Variants in PLXNA2 observed in about 807,000 individuals in gnomAD.
PLXNA2 encodes the protein plexin-A2.
PLXNA2 carries 91 observed loss-of-function variants against 193.5 expected under a neutral mutation model. That is an observed-to-expected ratio of 0.47 (90% CI 0.40 to 0.56). The LOEUF is 0.56. Ranked by LOEUF, PLXNA2 falls within the 20% of genes least tolerant of loss-of-function variation. The probability of loss-of-function intolerance (pLI) is 0.00; values close to 1 mark genes in which losing one functional copy is unlikely to be tolerated. For synonymous variants in PLXNA2, 997 were observed against 1,027.3 expected (o/e 0.97, Z 0.56); for missense variants, 1,995 against 2,503.2 (o/e 0.80, Z 4.33).
In PLXNA2 at chr1:208,236,372, A is replaced by G. The variant is rs954308816; in HGVS notation, c.-81+7271T>C. On this transcript the variant is annotated intron_variant, in intron 1 of 31. Coordinates refer to ENST00000367033, the MANE Select transcript of PLXNA2 (RefSeq NM_025179.4). This position sits in a 1 kb window ranked among gnomAD's most constrained non-coding sequence, Gnocchi z 4.4. Reference sequence around the variant, plus strand: ...CCGAGGCCTTTCACTTTTATGAAGCAGGAAACCACTTCAAAGCAGCAACAT... The same window carrying G: ...CCGAGGCCTTTCACTTTTATGAAGCGGGAAACCACTTCAAAGCAGCAACAT... Among the ~76,000 whole-genome samples, 3 of 152,202 alleles carry G rather than the reference A, an allele frequency of 2.0e-5. No homozygotes were observed. The East Asian group carries it at 5.8e-4, about 29-fold the overall frequency.
intron 9 of PLXNA2, among the ~76,000 whole-genome samples, chr1:208,089,573 G>A (rs557307868): frequency 1.3e-5 from 2 of 152,294 alleles, no homozygotes; most frequent in South Asian, 2.1e-4. Flanking sequence ...CCAAGAATTT[G>A]AATTTCTATA....
chr1:208,030,928 T>A (rs1043588558), intron 29 of PLXNA2: 1 of 985,994 alleles, frequency 1.0e-6, no homozygotes, highest in African/African-American at 1.7e-5. Flanking sequence ...TGAGGGCTTC[T>A]CCCACTGCTG....
At position 208,037,655 on chromosome 1, in the gene PLXNA2, G is replaced by T. The variant is rs550023116; in HGVS notation, c.4764+716C>A. On this transcript the variant is annotated intron_variant, in intron 26 of 31. Coordinates refer to ENST00000367033, the MANE Select transcript of PLXNA2 (RefSeq NM_025179.4). ...CTTAATCTTACAGAGACCCCCAGCT[G>T]CGAGTGGTTACCATGGGAGGGGAGA... 2.6e-5 allele frequency among the ~76,000 whole-genome samples: 4 copies of T among 152,198 alleles called. 1 individual carries two copies. The South Asian group carries it at 8.3e-4, about 32-fold the overall frequency.
chr1:208,059,494 G>T (rs923721706), intron 13 of PLXNA2, among the ~76,000 whole-genome samples: 4 of 152,180 alleles, frequency 2.6e-5, no homozygotes, highest in Admixed American at 2.6e-4. Context: ...TGGGCCCTGC[G>T]AGAATCACGG....
chr1:208,075,242 G>C (rs1299284195), intron 12 of PLXNA2, among the ~76,000 whole-genome samples: 2 of 151,996 alleles, frequency 1.3e-5, no homozygotes, highest in African/African-American at 4.8e-5. Flanking sequence ...ACCCGGAGGC[G>C]GGGGTTGTAG....
At chr1:208,173,911 C>G (rs1267351041) in intron 3 of PLXNA2, among the ~76,000 whole-genome samples, 1 of 152,232 alleles carries the variant, frequency 6.6e-6, no homozygotes, top group African/African-American at 2.4e-5. Flanking sequence ...TCCTCTGCCC[C>G]TCCTGGGAAT....
At chr1:208,072,987 G>A (rs533886028) in intron 12 of PLXNA2, among the ~76,000 whole-genome samples, 26 of 152,318 alleles carry the variant, frequency 1.7e-4, no homozygotes, top group Middle Eastern at 6.8e-3. Flanking sequence ...ACCATGGTGT[G>A]GTGGAGGAAG....
At chr1:208,182,851 G>C (rs1471650861) in intron 3 of PLXNA2, among the ~76,000 whole-genome samples, 1 of 152,104 alleles carries the variant, frequency 6.6e-6, no homozygotes, top group Non-Finnish European at 1.5e-5. Context: ...GAGTGACCCG[G>C]TGAATTAATG....
intron 3 of PLXNA2, among the ~76,000 whole-genome samples, chr1:208,183,071 G>A (rs187881096): frequency 6.2e-4 from 95 of 152,330 alleles, no homozygotes; most frequent in African/African-American, 2.2e-3. Flanking sequence ...GGGATAGGGA[G>A]GGAAAGTTCC....
At chr1:208,095,783 G>C (rs931437698) in intron 8 of PLXNA2, among the ~76,000 whole-genome samples, 10 of 152,222 alleles carry the variant, frequency 6.6e-5, no homozygotes, top group Non-Finnish European at 1.5e-4. Flanking sequence ...TGGCCTGAGA[G>C]TTGGGGGTTA....
chr1:208,185,501 A>G (rs1669964088), intron 3 of PLXNA2, among the ~76,000 whole-genome samples: 1 of 152,092 alleles, frequency 6.6e-6, no homozygotes, highest in Non-Finnish European at 1.5e-5. Flanking sequence ...CACTATAGAA[A>G]ATCAGCAGAG....
rs1177958966 is a variant in PLXNA2, at chr1:208,033,475, G to C, written c.4899C>G (p.Ser1633Arg). 5.6e-6 allele frequency: 9 copies of C among 1,612,740 alleles called. No individual in the cohort carries two copies. The change falls in exon 28 of 32, where the codon AGC (serine) becomes AGG (arginine). Residue 1633 changes from serine (S) to arginine (R), a missense_variant. Transcript: ENST00000367033. ...TGATCATCGGGGCCCGGGACCGCAGGCTGTCGGGGCTGCCCGTATACCTGA... is the reference window on the plus strand; with the variant it reads ...TGATCATCGGGGCCCGGGACCGCAGCCTGTCGGGGCTGCCCGTATACCTGA... ...SSFRYTGSPDSLRSRAPMITP... is the reference protein window; with the variant it reads ...SSFRYTGSPDRLRSRAPMITP...
intron 4 of PLXNA2, among the ~76,000 whole-genome samples, chr1:208,121,590 G>T (rs181133367): frequency 3.6e-4 from 55 of 152,180 alleles, no homozygotes; most frequent in Admixed American, 9.8e-4. Flanking sequence ...CTCTCCTGCT[G>T]CCCTGTGAAG....
chr1:208,096,042 T>A lies in PLXNA2; in HGVS notation c.1969A>T (p.Ser657Cys). The change falls in exon 8 of 32, where the codon AGT becomes TGT. Residue 657 changes from serine (S) to cysteine (C), a missense_variant. Coordinates refer to ENST00000367033, the MANE Select transcript of PLXNA2 (RefSeq NM_025179.4). ...ATAAGCACTTACAGTTGGTGGGCAC[T>A]GCAGTTGTAAAACTTGAACTCGGTG... ...VSTEFKFYNC[S>C]AHQLCLSCVN... 1 of 1,613,356 alleles carries A rather than the reference T, an allele frequency of 6.2e-7. No individual in the cohort carries two copies.
At chr1:208,226,527 C>T (rs929728777) in intron 1 of PLXNA2, among the ~76,000 whole-genome samples, 3 of 152,056 alleles carry the variant, frequency 2.0e-5, no homozygotes, top group African/African-American at 7.2e-5. Flanking sequence ...GAGGGGCTGG[C>T]GGGGGCTCTG....
intron 3 of PLXNA2, among the ~76,000 whole-genome samples, chr1:208,153,695 G>T (rs945235118): frequency 8.5e-5 from 13 of 152,210 alleles, no homozygotes; most frequent in African/African-American, 2.7e-4. Flanking sequence ...TGAGGTCAGA[G>T]TTGGGGTCTG....
chr1:208,028,777 G>A lies in PLXNA2; in HGVS notation c.5438+53C>T, dbSNP rs985664025. The A allele has an allele frequency of 1.1e-5, 17 of 1,514,376 alleles. No homozygotes were observed. Among genetic ancestry groups the A allele is most frequent in the East Asian group, 6.8e-5 (3 of 44,360 alleles). 93.8% of individuals were successfully genotyped at this position (1,514,376 alleles called of 1,614,324 possible). On this transcript the variant is annotated intron_variant, in intron 30 of 31. Transcript: ENST00000367033. This position sits in a 1 kb window ranked among gnomAD's most constrained non-coding sequence, Gnocchi z 4.2. ...CCTTAGTCAGTGATGACTATAGAGC[G>A]GGGAATGGGCAGGGAGACAAGGGCA...
intron 22 of PLXNA2, among the ~76,000 whole-genome samples, chr1:208,040,781 C>A (rs1490474072): frequency 1.3e-5 from 2 of 152,200 alleles, no homozygotes; most frequent in Non-Finnish European, 2.9e-5. Context: ...TGGATCCCAG[C>A]CCTCAGGTAG....
At chr1:208,042,452 G>T in intron 21 of PLXNA2, 86 bp from the exon 22 acceptor site, 1 of 1,434,340 alleles carries the variant, frequency 7.0e-7, no homozygotes, top group Non-Finnish European at 9.6e-7. Context: ...GCCTGCTGGC[G>T]ATGACACTAG....
Sources: allele counts gnomAD v4.1 joint callset (sites outside exome capture counted in the v4.1 genomes callset), GRCh38; gene constraint gnomAD v4.1.1; non-coding constraint Gnocchi (gnomAD v3.1); transcripts MANE v1.5; gene names NCBI Gene and HGNC (gene_info 2026-07-23, HGNC 2026-07-21).